The following STK10 variants were observed in gnomAD, a reference collection of about 807,000 sequenced individuals.
STK10 encodes the protein serine/threonine kinase 10, also known as serine/threonine-protein kinase 10.
Under a neutral mutation model 113.8 loss-of-function variants are expected in STK10, and 78 were observed. That is an observed-to-expected ratio of 0.69 (90% CI 0.57 to 0.83). STK10 has a LOEUF of 0.83. STK10 is among the 40% of genes least tolerant of loss of function. STK10 has a pLI of 0.00. For missense variants in STK10, 1,109 were observed against 1,280.1 expected, an observed-to-expected ratio of 0.87 and a Z score of 2.04; for synonymous variants, 465 against 494.7, an observed-to-expected ratio of 0.94 and a Z score of 0.80.
chr5:172,066,266 G>A (rs1197413644), intron 12 of STK10, among the ~76,000 whole-genome samples: 1 of 152,152 alleles, frequency 6.6e-6, no homozygotes. Context: ...ACAAAAGCAG[G>A]TGGCACGAAG....
At chr5:172,051,048 G>A (rs1343809051) in intron 18 of STK10, among the ~76,000 whole-genome samples, 1 of 151,544 alleles carries the variant, frequency 6.6e-6, no homozygotes, top group Non-Finnish European at 1.5e-5. Flanking sequence ...GGGAGGTGGA[G>A]GTTGCAGTGA....
chr5:172,116,829 C>T (rs1769397057), intron 4 of STK10, among the ~76,000 whole-genome samples: 1 of 152,078 alleles, frequency 6.6e-6, no homozygotes, highest in South Asian at 2.1e-4. Flanking sequence ...GATTTCGCCA[C>T]TGCACTCCAG....
intron 2 of STK10, among the ~76,000 whole-genome samples, chr5:172,140,632 G>A (rs770325180): frequency 6.6e-6 from 1 of 152,178 alleles, no homozygotes; most frequent in Non-Finnish European, 1.5e-5. Flanking sequence ...GGGAGGCGGA[G>A]GTTGCAGTGA....
chr5:172,178,795 G>A (rs943439594), intron 1 of STK10, among the ~76,000 whole-genome samples: 8 of 152,124 alleles, frequency 5.3e-5, no homozygotes, highest in African/African-American at 1.9e-4. Context: ...CTGAATAAAG[G>A]AACGCTCGTC....
chr5:172,056,801 G>A (rs1390699747), intron 15 of STK10, among the ~76,000 whole-genome samples: 1 of 151,540 alleles, frequency 6.6e-6, no homozygotes, highest in Non-Finnish European at 1.5e-5. Context: ...TTGAACCCAG[G>A]AGGTGGAGGT....
In STK10 at chr5:172,109,518, G is replaced by A. The variant is rs993228047; in HGVS notation, c.521-1666C>T. On this transcript the variant is annotated intron_variant, in intron 4 of 18. Coordinates refer to ENST00000176763, the MANE Select transcript of STK10 (RefSeq NM_005990.4). ...AGAGATGGAGTCTCTATGTTGCCCA[G>A]GCTGGTCTTGAACCCTGGGCTCAAG... Among the ~76,000 whole-genome samples, 35 of 151,932 alleles carry A rather than the reference G, an allele frequency of 2.3e-4. 1 individual carries two copies. The highest frequency in any genetic ancestry group is 4.4e-5 in the Non-Finnish European group (3 of 67,998).
intron 5 of STK10, among the ~76,000 whole-genome samples, chr5:172,107,260 A>G (rs966431486): frequency 6.6e-6 from 1 of 152,262 alleles, no homozygotes; most frequent in Non-Finnish European, 1.5e-5. Flanking sequence ...CAAGTAATGC[A>G]CATGAAAAAA....
At chr5:172,095,664 C>T (rs959050959) in intron 8 of STK10, among the ~76,000 whole-genome samples, 11 of 152,240 alleles carry the variant, frequency 7.2e-5, no homozygotes, top group Non-Finnish European at 1.5e-4. Flanking sequence ...TCTGCGCCAG[C>T]CTCAGGCTCC....
intron 18 of STK10, 21 bp from the exon 19 acceptor site, chr5:172,045,043 A>G (rs111984725): frequency 6.2e-7 from 1 of 1,613,272 alleles, no homozygotes; most frequent in Non-Finnish European, 8.5e-7. Context: ...GAGAGGATGG[A>G]TGGCACTTGG....
chr5:172,044,695 G>C lies in STK10; in HGVS notation c.*187C>G. On this transcript the variant is annotated 3_prime_UTR_variant, in exon 19 of 19. Coordinates refer to ENST00000176763, the MANE Select transcript of STK10 (RefSeq NM_005990.4). This position sits in a 1 kb window ranked among gnomAD's most constrained non-coding sequence, Gnocchi z 4.5. ...AATAATTACACCTCACCCTCCACAG[G>C]CCAGCAAGAAGTCAGGAACGCTGGG... The C allele has an allele frequency of 1.2e-6, 1 of 855,758 alleles. No individual in the cohort carries two copies. The highest frequency in any genetic ancestry group is 1.8e-6 in the Non-Finnish European group (1 of 547,910). The allele number at this position is 855,758 out of a possible 1,614,324, so 53.0% of individuals were successfully genotyped here. A position where few individuals can be genotyped will look rare whatever the true frequency, so the allele number is the denominator to read the frequency against.
chr5:172,106,904 C>T (rs1293669541), intron 5 of STK10, 90 bp from the exon 6 acceptor site: 1 of 1,367,628 alleles, frequency 7.3e-7, no homozygotes, highest in Non-Finnish European at 9.9e-7. Context: ...CCACGAGCCA[C>T]TGTCGGGGTT....
rs191354064 is a variant in STK10 at position 172,137,879 on chromosome 5, G to A, written c.322-10458C>T. Among the ~76,000 whole-genome samples, 994 of 131,962 alleles carry A rather than the reference G, an allele frequency of 7.5e-3. 8 individuals are homozygous for A. The highest frequency in any genetic ancestry group is 0.011 in the Non-Finnish European group (705 of 64,508). The allele number at this position is 131,962 out of a possible 152,430, so 86.6% of individuals were successfully genotyped here. On this transcript the variant is annotated intron_variant, in intron 2 of 18. Transcript: ENST00000176763. ...AGTACTCCAGCCTGGACGACAGAGCGAGACTCTGTCTCAAAAAAAAAAAAA... is the reference window on the plus strand; with the variant it reads ...AGTACTCCAGCCTGGACGACAGAGCAAGACTCTGTCTCAAAAAAAAAAAAA...
At chr5:172,118,261 G>T (rs914580041) in intron 3 of STK10, among the ~76,000 whole-genome samples, 6 of 152,166 alleles carry the variant, frequency 3.9e-5, no homozygotes, top group African/African-American at 1.2e-4. Flanking sequence ...TAGAGTTCAG[G>T]TTTGTAAACA....
chr5:172,143,915 C>G (rs1353234914), intron 2 of STK10, among the ~76,000 whole-genome samples: 2 of 152,158 alleles, frequency 1.3e-5, no homozygotes, highest in South Asian at 2.1e-4. Flanking sequence ...AGGGGCAGAA[C>G]AGCCAAAAGA....
intron 3 of STK10, among the ~76,000 whole-genome samples, chr5:172,119,414 AT>A (rs944581033): frequency 1.9e-4 from 29 of 152,102 alleles, no homozygotes; most frequent in African/African-American, 7.0e-4. Context: ...TGATTTTTGC[AT>A]TAAAAAAAAA....
chr5:172,044,518 A>C lies in STK10; in HGVS notation c.*364T>G. 3.5e-6 allele frequency: 1 copy of C among 288,590 alleles called. No individual in the cohort carries two copies. The highest frequency in any genetic ancestry group is 6.8e-6 in the Non-Finnish European group (1 of 147,508). The allele number at this position is 288,590 out of a possible 1,614,324, so 17.9% of individuals were successfully genotyped here. Reference sequence around the variant, plus strand: ...CTTCATCAGCAGTGCTTTGTCCCACAGAGAGCAAAACTGGTATTTTCGCAA... The same window carrying C: ...CTTCATCAGCAGTGCTTTGTCCCACCGAGAGCAAAACTGGTATTTTCGCAA... On this transcript the variant is annotated 3_prime_UTR_variant, in exon 19 of 19. Coordinates refer to ENST00000176763, the MANE Select transcript of STK10 (RefSeq NM_005990.4). This position sits in a 1 kb window ranked among gnomAD's most constrained non-coding sequence, Gnocchi z 4.5.
At position 172,093,701 on chromosome 5, in the gene STK10, A is replaced by G. The variant is rs1410457400; in HGVS notation, c.1265T>C (p.Ile422Thr). 1 of 1,614,060 alleles carries G rather than the reference A, an allele frequency of 6.2e-7. No individual in the cohort carries two copies. Among genetic ancestry groups the G allele is most frequent in the Non-Finnish European group, 8.5e-7 (1 of 1,180,020 alleles). The change falls in exon 9 of 19, where the codon ATT becomes ACT. Residue 422 changes from isoleucine (I) to threonine (T), a missense_variant. Around this residue, in one of 5 missense-constraint regions of STK10, gnomAD observed 885 missense variants for 991.1 expected, o/e 0.89. Coordinates refer to ENST00000176763, the MANE Select transcript of STK10 (RefSeq NM_005990.4). This position sits in a 1 kb window ranked among gnomAD's most constrained non-coding sequence, Gnocchi z 4.1. ...KSRPVSMDAR[I>T]QVAQEKQVAE... ...AACTTGCTTCTCCTGGGCTACCTGAATTCTGGCATCCATTGACACGGGTCG... is the reference window on the plus strand; with the variant it reads ...AACTTGCTTCTCCTGGGCTACCTGAGTTCTGGCATCCATTGACACGGGTCG...
intron 2 of STK10, among the ~76,000 whole-genome samples, chr5:172,128,406 A>G (rs1416984073): frequency 6.7e-6 from 1 of 150,036 alleles, no homozygotes; most frequent in Non-Finnish European, 1.5e-5. Context: ...CAATGGCACA[A>G]TCTTGGCTCC....
intron 2 of STK10, among the ~76,000 whole-genome samples, chr5:172,134,135 C>A (rs1260570647): frequency 6.6e-6 from 1 of 152,238 alleles, no homozygotes; most frequent in African/African-American, 2.4e-5. Flanking sequence ...GGGACCACAT[C>A]TGTCCTCCCC....
Sources: gnomAD v4.1 joint callset for allele counts (sites outside exome capture counted in the v4.1 genomes callset) on GRCh38, gnomAD v4.1.1 for gene constraint, gnomAD v4.1.1 regional missense constraint, Gnocchi (gnomAD v3.1) non-coding constraint, MANE v1.5 for transcripts, NCBI Gene and HGNC (gene_info 2026-07-23, HGNC 2026-07-21) for gene names.